DHX29: variants seen among roughly 807,000 people sequenced by gnomAD.
DHX29 encodes DExH-box helicase 29.
A neutral mutation model predicts 167.9 loss-of-function variants in DHX29; 79 were observed. The ratio of observed to expected loss-of-function variants is 0.47; its 90% CI spans 0.39 to 0.57. The LOEUF (loss-of-function observed/expected upper bound fraction) is 0.57. Ranked by LOEUF, DHX29 falls within the 20% of genes least tolerant of loss-of-function variation. The pLI is 0.00. For synonymous variants in DHX29, 530 were observed against 546.0 expected (o/e 0.97, Z 0.41); for missense variants, 1,347 against 1,593.4 (o/e 0.85, Z 2.63).
intron 6 of DHX29, among the ~76,000 whole-genome samples, chr5:55,292,249 T>C (rs1427076259): frequency 6.6e-6 from 1 of 152,204 alleles, no homozygotes; most frequent in African/African-American, 2.4e-5. Context: ...CATTGTGGTT[T>C]TGATTTGCAT....
intron 2 of DHX29, among the ~76,000 whole-genome samples, chr5:55,298,057 A>G (rs1748409624): frequency 6.6e-6 from 1 of 152,208 alleles, no homozygotes. Flanking sequence ...ATATAAAGAG[A>G]CAAATTATAA....
Position 55,256,427 on chromosome 5 carries a change from G to T in DHX29, c.*61C>A. On this transcript the variant is annotated 3_prime_UTR_variant, in exon 27 of 27. Transcript: ENST00000251636. ...TACTTAATGTGATGACCCATTTTCA[G>T]ATAATTTCATGACTGTATCTTCATC... is the stretch of plus-strand genomic sequence containing the variant. 2 of 1,448,822 alleles carry T rather than the reference G, an allele frequency of 1.4e-6. No individual in the cohort carries two copies. The highest frequency in any genetic ancestry group is 1.3e-5 in the South Asian group (1 of 76,500). 89.7% of individuals were successfully genotyped at this position (1,448,822 alleles called of 1,614,324 possible).
intron 16 of DHX29, 125 bp from the exon 17 acceptor site, chr5:55,273,502 A>AC: frequency 8.3e-7 from 1 of 1,204,704 alleles, no homozygotes; most frequent in Non-Finnish European, 1.1e-6. Flanking sequence ...ATTTAAACAT[A>AC]CACAAGTGTT....
chr5:55,266,662 T>C (rs1746591709), intron 23 of DHX29, among the ~76,000 whole-genome samples: 1 of 152,072 alleles, frequency 6.6e-6, no homozygotes, highest in African/African-American at 2.4e-5. Flanking sequence ...AGGGTCTCAC[T>C]CTGTACATAG....
chr5:55,267,178 C>T lies in DHX29; in HGVS notation c.3485G>A (p.Arg1162Gln), dbSNP rs373269305. The T allele has an allele frequency of 3.7e-5, 59 of 1,612,842 alleles. No homozygotes were observed. The highest frequency in any genetic ancestry group is 1.6e-4 in the Middle Eastern group (1 of 6,074). The change falls in exon 23 of 27, where the codon CGG becomes CAG. Residue 1162 changes from arginine to glutamine, a missense_variant. Arg to Gln is a conservative substitution (Grantham distance 43). Around this residue, in one of 3 missense-constraint regions of DHX29, gnomAD observed 882 missense variants for 1,082.4 expected, o/e 0.81. Transcript: ENST00000251636. ...GGYRSEITYC[R>Q]RNFLNRTSLL... ...TGATGTTCTATTAAGAAAGTTCCTC[C>T]GGCAGTATGTGATTTCAGAACGATA...
intron 2 of DHX29, among the ~76,000 whole-genome samples, 193 bp downstream of exon 2, chr5:55,298,398 G>T (rs1381498489): frequency 6.6e-6 from 1 of 152,056 alleles, no homozygotes; most frequent in Non-Finnish European, 1.5e-5. Context: ...TCTTAACCAG[G>T]CCTTCCTTCA....
chr5:55,293,690 T>C (rs141129657), intron 6 of DHX29, among the ~76,000 whole-genome samples: 13 of 152,316 alleles, frequency 8.5e-5, no homozygotes, highest in African/African-American at 2.9e-4. Flanking sequence ...ATGATGTCTA[T>C]GTTTTTCTCT....
In DHX29 at chr5:55,297,158, T is replaced by A. The variant is rs897294849; in HGVS notation, c.375+127A>T. The A allele has an allele frequency of 1.1e-4, 66 of 603,154 alleles. No individual in the cohort carries two copies. In the African/African-American group the frequency reaches 1.2e-3, roughly 11 times the overall value. The allele number at this position is 603,154 out of a possible 1,614,324, so 37.4% of individuals were successfully genotyped here. On this transcript the variant is annotated intron_variant, in intron 3 of 26. Transcript: ENST00000251636. ...TAAGGTGTGCACAATTCTTTCTCTA[T>A]TCTTAGAGATGGAAATGATCTACAT...
chr5:55,256,919 C>T (rs1746083935), intron 26 of DHX29, among the ~76,000 whole-genome samples: 1 of 152,162 alleles, frequency 6.6e-6, no homozygotes, highest in African/African-American at 2.4e-5. Context: ...ATACTGAAGG[C>T]TCTACTGACT....
Position 55,287,297 on chromosome 5 carries a change from C to T in DHX29, c.1067-1436G>A, listed in dbSNP as rs141271114. ...CTCTACTAAAAATACAAAAATTAGC[C>T]GGGCATGCAGGCATGCACCTGTAAT... On this transcript the variant is annotated intron_variant, in intron 8 of 26. Coordinates refer to ENST00000251636, the MANE Select transcript of DHX29 (RefSeq NM_019030.4). 5.2e-3 allele frequency among the ~76,000 whole-genome samples: 798 copies of T among 152,128 alleles called. 10 individuals are homozygous for T. The highest frequency in any genetic ancestry group is 0.018 in the African/African-American group (750 of 41,512).
At chr5:55,305,858 C>T (rs1357799221) in intron 1 of DHX29, among the ~76,000 whole-genome samples, 4 of 152,034 alleles carry the variant, frequency 2.6e-5, no homozygotes, top group East Asian at 1.9e-4. Flanking sequence ...GGAAGAGAGG[C>T]CATCTACAAA....
rs757777406 is a variant in DHX29 at position 55,307,617 on chromosome 5, G to A, written c.-44C>T. 3.1e-6 allele frequency: 5 copies of A among 1,606,222 alleles called. No individual in the cohort carries two copies. Among genetic ancestry groups the A allele is most frequent in the Non-Finnish European group, 4.2e-6 (5 of 1,177,268 alleles). The stretch of plus-strand genomic sequence containing the variant: ...GATCCTTCGCGGCCCAGGCCCCGAC[G>A]GTACCACTGCACAGCCGAGAGCTCT... On this transcript the variant is annotated 5_prime_UTR_variant, in exon 1 of 27. Coordinates refer to ENST00000251636, the MANE Select transcript of DHX29 (RefSeq NM_019030.4).
At chr5:55,269,808 G>A (rs1301687513) in intron 20 of DHX29, among the ~76,000 whole-genome samples, 171 bp from the exon 21 acceptor site, 1 of 151,592 alleles carries the variant, frequency 6.6e-6, no homozygotes, top group African/African-American at 2.4e-5. Context: ...AGGAGTTGGG[G>A]GGAAGAGTGT....
At chr5:55,296,876 A>T (rs1176165773) in intron 3 of DHX29, among the ~76,000 whole-genome samples, 1 of 152,246 alleles carries the variant, frequency 6.6e-6, no homozygotes, top group Non-Finnish European at 1.5e-5. Flanking sequence ...ATGGTTAGGC[A>T]GAGCTGGGTT....
intron 15 of DHX29, 22 bp downstream of exon 15, chr5:55,274,844 C>T: frequency 6.2e-7 from 1 of 1,603,366 alleles, no homozygotes. Flanking sequence ...CAAATGGAGA[C>T]CCATTAGAAA....
chr5:55,299,777 C>A (rs1029071175), intron 1 of DHX29, among the ~76,000 whole-genome samples: 1 of 152,064 alleles, frequency 6.6e-6, no homozygotes, highest in Non-Finnish European at 1.5e-5. Context: ...GAGCTTATTT[C>A]CAAACAAGGT....
chr5:55,279,271 G>A (rs1442649131), intron 12 of DHX29, among the ~76,000 whole-genome samples: 2 of 152,236 alleles, frequency 1.3e-5, no homozygotes, highest in East Asian at 1.9e-4. Flanking sequence ...TTACTTTGGT[G>A]GTTTGACCAG....
intron 23 of DHX29, among the ~76,000 whole-genome samples, chr5:55,265,536 G>C (rs7706417): frequency 0.06 from 9,182 of 152,134 alleles, 491 homozygotes; most frequent in Admixed American, 0.12. Flanking sequence ...AATGTATCTG[G>C]TTTCTTCAAA....
intron 5 of DHX29, chr5:55,295,169 T>A (rs1440511718): frequency 2.0e-6 from 1 of 499,874 alleles, no homozygotes; most frequent in African/African-American, 1.9e-5. Flanking sequence ...GACTGCAGAA[T>A]CATGAGAAAT....
Sources: gnomAD v4.1 joint callset for allele counts (sites outside exome capture counted in the v4.1 genomes callset) on GRCh38, gnomAD v4.1.1 for gene constraint, gnomAD v4.1.1 regional missense constraint, MANE v1.5 for transcripts, NCBI Gene and HGNC (gene_info 2026-07-23, HGNC 2026-07-21) for gene names.